CREBL2: variants seen among roughly 807,000 people sequenced by gnomAD.
CREBL2 encodes the protein cAMP-responsive element-binding protein-like 2.
CREBL2 carries 4 observed loss-of-function variants against 19.5 expected under a neutral mutation model. The ratio of observed to expected loss-of-function variants is 0.20; its 90% confidence interval spans 0.10 to 0.47. The LOEUF (loss-of-function observed/expected upper bound fraction) is 0.47, where lower values mean the gene tolerates loss of function less well. Among genes scored for constraint, CREBL2 ranks in the 20% least tolerant of loss-of-function variants. CREBL2 has a pLI of 0.98. For synonymous variants in CREBL2, 42 were observed against 46.6 expected (o/e 0.90, Z 0.40); for missense variants, 85 against 145.1 (o/e 0.59, Z 2.13).
intron 1 of CREBL2, among the ~76,000 whole-genome samples, chr12:12,623,317 C>T (rs537947144): frequency 6.6e-6 from 1 of 151,594 alleles, no homozygotes; most frequent in African/African-American, 2.4e-5. Flanking sequence ...GCTCAGACTA[C>T]TTGGGGAGAT....
intron 1 of CREBL2, chr12:12,632,659 A>G (rs1203526077): frequency 2.6e-5 from 4 of 152,156 alleles, no homozygotes; most frequent in South Asian, 4.1e-4. Flanking sequence ...GTCATTATCC[A>G]TTTATTTCAC....
chr12:12,612,270 C>A (rs188896853), intron 1 of CREBL2, 83 bp downstream of exon 1: 1 of 1,608,576 alleles, frequency 6.2e-7, no homozygotes, highest in Non-Finnish European at 8.5e-7. Context: ...ATGTAGTCCA[C>A]GCCAACACCC....
At chr12:12,633,311 T>A (rs1326322811) in intron 1 of CREBL2, among the ~76,000 whole-genome samples, 4 of 151,904 alleles carry the variant, frequency 2.6e-5, no homozygotes, top group Non-Finnish European at 5.9e-5. Flanking sequence ...GGTGGGCACC[T>A]GTAATCCCAG....
chr12:12,626,419 A>G (rs1336139006), intron 1 of CREBL2, among the ~76,000 whole-genome samples: 1 of 152,154 alleles, frequency 6.6e-6, no homozygotes, highest in Non-Finnish European at 1.5e-5. Context: ...CATGAGTTAG[A>G]ACCTTATGCT....
intron 3 of CREBL2, among the ~76,000 whole-genome samples, chr12:12,639,929 C>T (rs889073621): frequency 6.6e-6 from 1 of 151,966 alleles, no homozygotes; most frequent in Admixed American, 6.6e-5. Flanking sequence ...AAAAGCAGAG[C>T]CACTAATAAG....
At chr12:12,627,603 C>CT (rs1290547755) in intron 1 of CREBL2, among the ~76,000 whole-genome samples, 1 of 152,134 alleles carries the variant, frequency 6.6e-6, no homozygotes, top group Non-Finnish European at 1.5e-5. Context: ...GGATATACTA[C>CT]TTTTTGTTAT....
intron 1 of CREBL2, among the ~76,000 whole-genome samples, chr12:12,615,271 C>T (rs534455338): frequency 1.5e-4 from 22 of 151,446 alleles, no homozygotes; most frequent in African/African-American, 4.4e-4. Flanking sequence ...AGGCTGGTCT[C>T]GAACTCCTGG....
At chr12:12,614,811 T>A in intron 1 of CREBL2, 1 of 384,240 alleles carries the variant, frequency 2.6e-6, no homozygotes, top group South Asian at 2.1e-5. Context: ...CTGGGTAACA[T>A]TGTAGACTCT....
At chr12:12,638,309 C>T (rs536072857) in intron 3 of CREBL2, among the ~76,000 whole-genome samples, 9 of 151,828 alleles carry the variant, frequency 5.9e-5, no homozygotes, top group African/African-American at 1.7e-4. Flanking sequence ...CAGTGGTGTG[C>T]GCCTGTAATC....
chr12:12,639,506 G>T (rs1945501320), intron 3 of CREBL2, among the ~76,000 whole-genome samples: 1 of 152,140 alleles, frequency 6.6e-6, no homozygotes, highest in South Asian at 2.1e-4. Flanking sequence ...GTATGGAGTG[G>T]TATCTCATTG....
chr12:12,637,233 T>TG (rs1555174693), intron 2 of CREBL2, among the ~76,000 whole-genome samples: 12 of 148,686 alleles, frequency 8.1e-5, no homozygotes, highest in African/African-American at 2.7e-4. Context: ...TGACAATTAT[T>TG]AAAAAAAAAA....
At chr12:12,636,014 A>G in intron 2 of CREBL2, 40 bp downstream of exon 2, 1 of 1,545,972 alleles carries the variant, frequency 6.5e-7, no homozygotes, top group Non-Finnish European at 8.8e-7. Context: ...AATCACCTTA[A>G]CAGTCAAATA....
At chr12:12,638,366 A>T (rs1157462709) in intron 3 of CREBL2, among the ~76,000 whole-genome samples, 1 of 152,130 alleles carries the variant, frequency 6.6e-6, no homozygotes, top group African/African-American at 2.4e-5. Context: ...TAACCTGGGA[A>T]ATGGAGGTTG....
intron 1 of CREBL2, chr12:12,615,838 C>G (rs1336277886): frequency 6.6e-6 from 1 of 152,346 alleles, no homozygotes; most frequent in African/African-American, 2.4e-5. Context: ...GCCGAAGGAA[C>G]AACTCCATGT....
intron 1 of CREBL2, among the ~76,000 whole-genome samples, chr12:12,634,778 A>G (rs923769475): frequency 1.3e-5 from 2 of 152,208 alleles, no homozygotes; most frequent in African/African-American, 4.8e-5. Context: ...TCATGAGTCC[A>G]GGCACAATGG....
intron 1 of CREBL2, among the ~76,000 whole-genome samples, chr12:12,634,368 T>C (rs1296448660): frequency 1.5e-4 from 23 of 152,178 alleles, no homozygotes; most frequent in Non-Finnish European, 1.5e-5. Flanking sequence ...GGCAGGTAAT[T>C]GAGTAACAGG....
chr12:12,638,625 TTAC>T (rs1457460216), intron 3 of CREBL2, among the ~76,000 whole-genome samples: 22 of 152,092 alleles, frequency 1.4e-4, no homozygotes, highest in Non-Finnish European at 1.3e-4. Flanking sequence ...GATTTACAGT[TTAC>T]AGAGTACTTT....
rs529727878 is a variant in CREBL2, at chr12:12,617,536, C to T, written c.15+5349C>T. Among the ~76,000 whole-genome samples, 6 of 150,598 alleles carry T rather than the reference C, an allele frequency of 4.0e-5. No homozygotes were observed. The South Asian group carries it at 1.3e-3, about 32-fold the overall frequency. On this transcript the variant is annotated intron_variant, in intron 1 of 3. Transcript: ENST00000228865. ...TTTAAAGCTCTAGTACAGACTCTAA[C>T]ACATAGTAGGCTCTCAAAACACGTT...
intron 1 of CREBL2, among the ~76,000 whole-genome samples, chr12:12,617,231 C>T (rs556339711): frequency 9.2e-5 from 14 of 152,230 alleles, no homozygotes; most frequent in African/African-American, 2.9e-4. Flanking sequence ...CTGATGTACT[C>T]GGGCTTTATT....
Sources: allele counts gnomAD v4.1 joint callset (sites outside exome capture counted in the v4.1 genomes callset), GRCh38; gene constraint gnomAD v4.1.1; transcripts MANE v1.5; gene names NCBI Gene and HGNC (gene_info 2026-07-23, HGNC 2026-07-21).